The following SCN2B variants were observed in gnomAD, a reference collection of about 807,000 sequenced individuals.
SCN2B encodes the protein sodium channel regulatory subunit beta-2.
In SCN2B, 14 loss-of-function variants were observed where a neutral mutation model predicts 18.2. That is an observed-to-expected ratio of 0.77 (90% confidence interval 0.51 to 1.21). The LOEUF (loss-of-function observed/expected upper bound fraction) is 1.21. Among genes scored for constraint, SCN2B ranks in the 50% most tolerant of loss-of-function variants. The probability of loss-of-function intolerance (pLI) is 0.00; values close to 1 mark genes in which losing one functional copy is unlikely to be tolerated. For missense variants in SCN2B, 262 were observed against 286.9 expected, an observed-to-expected ratio of 0.91 and a Z score of 0.63; for synonymous variants, 115 against 115.3, an observed-to-expected ratio of 1.00 and a Z score of 0.02.
intron 1 of SCN2B, among the ~76,000 whole-genome samples, chr11:118,169,489 C>T (rs1948413227): frequency 6.6e-6 from 1 of 152,204 alleles, no homozygotes; most frequent in African/African-American, 2.4e-5. Context: ...TGGAAGGCCT[C>T]GCTCTCCATA....
At chr11:118,171,623 G>A (rs1948431744) in intron 1 of SCN2B, among the ~76,000 whole-genome samples, 2 of 152,234 alleles carry the variant, frequency 1.3e-5, no homozygotes, top group Non-Finnish European at 1.5e-5. Flanking sequence ...ATTAGAACTT[G>A]AACCTCACCA....
At chr11:118,175,678 C>T (rs1161332637) in intron 1 of SCN2B, among the ~76,000 whole-genome samples, 4 of 152,190 alleles carry the variant, frequency 2.6e-5, no homozygotes, top group Non-Finnish European at 4.4e-5. Context: ...ATTTAAAGGG[C>T]TGCAACCTCG....
At chr11:118,172,891 GGT>G (rs1491255884) in intron 1 of SCN2B, among the ~76,000 whole-genome samples, 322 of 81,714 alleles carry the variant, frequency 3.9e-3, no homozygotes, top group African/African-American at 0.025. Flanking sequence ...TTTTCTTCTT[GGT>G]TTTTTTTTTT....
At chr11:118,172,466 A>C (rs962259815) in intron 1 of SCN2B, among the ~76,000 whole-genome samples, 4 of 152,146 alleles carry the variant, frequency 2.6e-5, no homozygotes, top group African/African-American at 9.7e-5. Context: ...CCCCATTCCA[A>C]GGCATCCGAT....
Position 118,172,720 on chromosome 11 carries a change from C to T in SCN2B, c.70+3642G>A, listed in dbSNP as rs77249759. ...GGCGGGCCACCCGCTGTCTCCAAGG[C>T]ACATCTGGGCCCTCAGGCCTCGTGT... On this transcript the variant is annotated intron_variant, in intron 1 of 3. Transcript: ENST00000278947. Among the ~76,000 whole-genome samples the T allele has an allele frequency of 7.1e-3, 1,079 of 152,298 alleles. 15 individuals carry two copies. The highest frequency in any genetic ancestry group is 0.024 in the African/African-American group (1,008 of 41,566).
rs1175621470 is a variant in SCN2B at position 118,164,940 on chromosome 11, C to G, written c.*1947G>C. The G allele has an allele frequency of 1.3e-5, 2 of 152,724 alleles. No homozygotes were observed. The highest frequency in any genetic ancestry group is 1.9e-4 in the East Asian group (1 of 5,198). 9.5% of individuals were successfully genotyped at this position (152,724 alleles called of 1,614,324 possible). A position where few individuals can be genotyped will look rare whatever the true frequency, so the allele number is the denominator to read the frequency against. On this transcript the variant is annotated 3_prime_UTR_variant, in exon 4 of 4. Transcript: ENST00000278947. The stretch of plus-strand genomic sequence containing the variant: ...GACTGTCACGGTCCTGTCTCCACCC[C>G]CTTTCCTAGACTTATTCCCTACCCT...
chr11:118,171,706 G>C (rs1005348400), intron 1 of SCN2B, among the ~76,000 whole-genome samples: 24 of 152,288 alleles, frequency 1.6e-4, no homozygotes, highest in Admixed American at 9.1e-4. Flanking sequence ...TTTTCTGGCC[G>C]GCAGGACGGG....
Position 118,166,802 on chromosome 11 carries a change from A to C in SCN2B, c.*85T>G. On this transcript the variant is annotated 3_prime_UTR_variant, in exon 4 of 4. Coordinates refer to ENST00000278947, the MANE Select transcript of SCN2B (RefSeq NM_004588.5). ...CCTGGGGTCCTAGGTCACGGGAAGC[A>C]CACCAAGAGCGAGCAGGCAGGGTCA... is the stretch of plus-strand genomic sequence containing the variant. 1.3e-6 allele frequency: 2 copies of C among 1,559,678 alleles called. No individual in the cohort carries two copies. The highest frequency in any genetic ancestry group is 1.8e-6 in the Non-Finnish European group (2 of 1,138,946).
Position 118,163,035 on chromosome 11 carries a change from A to G in SCN2B, c.*3852T>C, listed in dbSNP as rs1406877496. On this transcript the variant is annotated 3_prime_UTR_variant, in exon 4 of 4. Transcript: ENST00000278947. The stretch of plus-strand genomic sequence containing the variant: ...CCCTCCAAGTGCACAAAGCGCAAGA[A>G]CATTCCAAAATTTGCCTTTGGTGAA... 1 of 152,648 alleles carries G rather than the reference A, an allele frequency of 6.6e-6. No homozygotes were observed. Among genetic ancestry groups the G allele is most frequent in the African/African-American group, 2.4e-5 (1 of 41,448 alleles). The allele number at this position is 152,648 out of a possible 1,614,324, so 9.5% of individuals were successfully genotyped here.
Position 118,166,938 on chromosome 11 carries a change from C to T in SCN2B, c.597G>A (p.Glu199=), listed in dbSNP as rs1214055007. 6.2e-7 allele frequency: 1 copy of T among 1,614,078 alleles called. No homozygotes were observed. The stretch of plus-strand genomic sequence containing the variant: ...CTTCACCGTCCGTCTTGCCCTCCTC[C>T]TCGGTCTTCAGGTCATCTGTGCTCA... ...QKLSTDDLKT[E]EEGKTDGEGN... The change falls in exon 4 of 4, where the codon GAG becomes GAA. Residue 199 remains glutamate, a synonymous_variant. Coordinates refer to ENST00000278947, the MANE Select transcript of SCN2B (RefSeq NM_004588.5).
In SCN2B at chr11:118,168,164, C is replaced by G. The variant is rs763298135; in HGVS notation, c.369G>C (p.Gly123=). 8 of 1,614,198 alleles carry G rather than the reference C, an allele frequency of 5.0e-6. No homozygotes were observed. The highest frequency in any genetic ancestry group is 5.9e-6 in the Non-Finnish European group (7 of 1,180,030). The change falls in exon 3 of 4, where the codon GGG becomes GGC. Residue 123 remains glycine (G), a synonymous_variant. Transcript: ENST00000278947. This position sits in a 1 kb window ranked among gnomAD's most constrained non-coding sequence, Gnocchi z 4.7. Reference sequence around the variant, plus strand: ...GGTTCATGATGTAGCAGTTGTAAATCCCCTCATCCTCCGGCTGCACGTTTC... The same window carrying G: ...GGTTCATGATGTAGCAGTTGTAAATGCCCTCATCCTCCGGCTGCACGTTTC... The part of the protein sequence containing the change: ...MLRNVQPEDE[G]IYNCYIMNPP...
Position 118,166,500 on chromosome 11 carries a change from C to A in SCN2B, c.*387G>T, listed in dbSNP as rs1373904294. On this transcript the variant is annotated 3_prime_UTR_variant, in exon 4 of 4. Transcript: ENST00000278947. ...TCAGCACAGGAAAGCCCTCCCTCCC[C>A]ACCAGGTCCTCTCTGAAGCCACTGC... is the stretch of plus-strand genomic sequence containing the variant. The A allele has an allele frequency of 3.1e-6, 1 of 326,062 alleles. No homozygotes were observed. Among genetic ancestry groups the A allele is most frequent in the Non-Finnish European group, 5.9e-6 (1 of 168,282 alleles). The allele number at this position is 326,062 out of a possible 1,614,324, so 20.2% of individuals were successfully genotyped here.
intron 1 of SCN2B, among the ~76,000 whole-genome samples, chr11:118,172,654 C>T (rs1001325069): frequency 4.6e-5 from 7 of 152,224 alleles, no homozygotes; most frequent in Non-Finnish European, 7.3e-5. Context: ...AGATCATCAA[C>T]GGGATGAGGC....
At chr11:118,170,640 A>T (rs1280690662) in intron 1 of SCN2B, among the ~76,000 whole-genome samples, 2 of 152,188 alleles carry the variant, frequency 1.3e-5, no homozygotes, top group Non-Finnish European at 2.9e-5. Flanking sequence ...TGGGAATCGC[A>T]TAGACAAGGG....
In SCN2B at chr11:118,176,441, C is replaced by A. The variant is rs767924468; in HGVS notation, c.-10G>T. On this transcript the variant is annotated 5_prime_UTR_variant, in exon 1 of 4. Transcript: ENST00000278947. Reference sequence around the variant, plus strand: ...AGGCATCTCTGTGCATTTTCAGAGACTGAGATGTTAGTCGGGTGGGCTACG... The same window carrying A: ...AGGCATCTCTGTGCATTTTCAGAGAATGAGATGTTAGTCGGGTGGGCTACG... 2 of 1,612,514 alleles carry A rather than the reference C, an allele frequency of 1.2e-6. No homozygotes were observed. The highest frequency in any genetic ancestry group is 1.7e-6 in the Non-Finnish European group (2 of 1,178,878).
In SCN2B at chr11:118,168,383, T is replaced by C; in HGVS notation, c.238-88A>G. ...GGATGCCCCCTCTTCCCATCCACCC[T>C]TTTCCTGGGGAAGAGAGGCAGTTAC... On this transcript the variant is annotated intron_variant, in intron 2 of 3. Transcript: ENST00000278947. This position sits in a 1 kb window ranked among gnomAD's most constrained non-coding sequence, Gnocchi z 4.7. The C allele has an allele frequency of 3.0e-6, 4 of 1,347,642 alleles. No individual in the cohort carries two copies. The highest frequency in any genetic ancestry group is 4.3e-6 in the Non-Finnish European group (4 of 939,720). The allele number at this position is 1,347,642 out of a possible 1,614,324, so 83.5% of individuals were successfully genotyped here.
rs553639529 is a variant in SCN2B at position 118,163,651 on chromosome 11, C to G, written c.*3236G>C. On this transcript the variant is annotated 3_prime_UTR_variant, in exon 4 of 4. Transcript: ENST00000278947. ...GTGGCCCTTAATTAGGAGGAAGAGA[C>G]AGATGGGGGGTGGGGGCAGAGGGAG... 18 of 152,498 alleles carry G rather than the reference C, an allele frequency of 1.2e-4. No homozygotes were observed. The highest frequency in any genetic ancestry group is 4.3e-4 in the African/African-American group (18 of 41,430). 9.4% of individuals were successfully genotyped at this position (152,498 alleles called of 1,614,324 possible).
In SCN2B at chr11:118,166,086, A is replaced by C. The variant is rs1307403090; in HGVS notation, c.*801T>G. On this transcript the variant is annotated 3_prime_UTR_variant, in exon 4 of 4. Coordinates refer to ENST00000278947, the MANE Select transcript of SCN2B (RefSeq NM_004588.5). ...GAGCCTGCAGCAACCTGCATTCACCATGGAGCCCCACCCCTCAGCCCCTCA... is the reference window on the plus strand; with the variant it reads ...GAGCCTGCAGCAACCTGCATTCACCCTGGAGCCCCACCCCTCAGCCCCTCA... 8 of 152,414 alleles carry C rather than the reference A, an allele frequency of 5.2e-5. No homozygotes were observed. The highest frequency in any genetic ancestry group is 1.9e-4 in the African/African-American group (8 of 41,466). 9.4% of individuals were successfully genotyped at this position (152,414 alleles called of 1,614,324 possible).
At chr11:118,174,125 A>T (rs1478323409) in intron 1 of SCN2B, among the ~76,000 whole-genome samples, 1 of 54,712 alleles carries the variant, frequency 1.8e-5, no homozygotes. Context: ...TTTTTTGTAG[A>T]GACAGGGTCT....
Sources: allele counts gnomAD v4.1 joint callset (sites outside exome capture counted in the v4.1 genomes callset), GRCh38; gene constraint gnomAD v4.1.1; non-coding constraint Gnocchi (gnomAD v3.1); transcripts MANE v1.5; gene names NCBI Gene and HGNC (gene_info 2026-07-23, HGNC 2026-07-21).